The following DPP6 variants were observed in gnomAD, a reference collection of about 807,000 sequenced individuals.
DPP6 encodes dipeptidyl peptidase like 6.
Under a neutral mutation model 122.6 loss-of-function variants are expected in DPP6, and 69 were observed. The ratio of observed to expected loss-of-function variants is 0.56; its 90% CI spans 0.46 to 0.69. DPP6 has a LOEUF of 0.69. Among genes scored for constraint, DPP6 ranks in the 30% least tolerant of loss-of-function variants. The probability of loss-of-function intolerance (pLI) is 0.00; values close to 1 mark genes in which losing one functional copy is unlikely to be tolerated. For synonymous variants in DPP6, 418 were observed against 433.1 expected (o/e 0.97, Z 0.43); for missense variants, 928 against 1,116.9 (o/e 0.83, Z 2.41).
Position 154,804,861 on chromosome 7 carries a change from A to C in DPP6, c.1500-56A>C, listed in dbSNP as rs1798594518. 5.1e-6 allele frequency: 8 copies of C among 1,566,430 alleles called. No homozygotes were observed. The Admixed American group carries it at 1.3e-4, about 26-fold the overall frequency. ...CCATAGAGGTAGTGCCAGGAATGTG[A>C]AGTGCAGACGTGCCTTGGAGCAAAC... On this transcript the variant is annotated intron_variant, in intron 14 of 25. Coordinates refer to ENST00000377770, the MANE Select transcript of DPP6 (RefSeq NM_130797.4).
chr7:154,832,175 T>C (rs1399402886), intron 16 of DPP6, among the ~76,000 whole-genome samples: 1 of 152,186 alleles, frequency 6.6e-6, no homozygotes, highest in Non-Finnish European at 1.5e-5. Flanking sequence ...GGCTGCCGTA[T>C]GCCAGGCAAC....
At chr7:154,182,072 T>C (rs1760678916) in intron 1 of DPP6, among the ~76,000 whole-genome samples, 1 of 152,048 alleles carries the variant, frequency 6.6e-6, no homozygotes, top group African/African-American at 2.4e-5. Context: ...CTCTTAATGG[T>C]CTTGAGGACT....
chr7:154,872,315 C>G (rs1804466044), intron 18 of DPP6, among the ~76,000 whole-genome samples: 1 of 152,266 alleles, frequency 6.6e-6, no homozygotes, highest in South Asian at 2.1e-4. Flanking sequence ...CACCATATTT[C>G]CCTGCCTGAA....
the DPP6 span, among the ~76,000 whole-genome samples, chr7:153,772,530 C>A: frequency 6.6e-6 from 1 of 151,304 alleles, no homozygotes; most frequent in African/African-American, 2.4e-5. Flanking sequence ...AAACAATAAG[C>A]AAAAATCAGA....
chr7:154,382,591 T>TGCGCTCA lies in DPP6; in HGVS notation c.244-63609_244-63603dup, dbSNP rs1037258614. On this transcript the variant is annotated intron_variant, in intron 1 of 25. Transcript: ENST00000377770. ...TAGCTAACAAATGTTTACTCTGTGC[T>TGCGCTCA]GCGCTCAGCGCTCAGCGCTCTTCAT... Among the ~76,000 whole-genome samples the TGCGCTCA allele has an allele frequency of 3.3e-5, 5 of 152,378 alleles. No homozygotes were observed. In the East Asian group the frequency reaches 5.8e-4, roughly 18 times the overall value.
the DPP6 span, among the ~76,000 whole-genome samples, chr7:153,782,220 G>A: frequency 1.3e-5 from 2 of 151,946 alleles, no homozygotes; most frequent in Non-Finnish European, 2.9e-5. Context: ...GTCTAGTTAA[G>A]CCAATCAGTC....
intron 8 of DPP6, among the ~76,000 whole-genome samples, chr7:154,730,371 G>A (rs569509312): frequency 6.6e-6 from 1 of 152,188 alleles, no homozygotes; most frequent in East Asian, 1.9e-4. Flanking sequence ...CCACTCCATC[G>A]ACCTCAACAT....
At chr7:154,343,117 G>A (rs1324894509) in intron 1 of DPP6, among the ~76,000 whole-genome samples, 1 of 152,182 alleles carries the variant, frequency 6.6e-6, no homozygotes, top group Non-Finnish European at 1.5e-5. Flanking sequence ...AAATGACACT[G>A]GTTTGAATGG....
chr7:154,873,798 GCATCCA>G, intron 19 of DPP6, among the ~76,000 whole-genome samples: 1 of 142,910 alleles, frequency 7.0e-6, no homozygotes, highest in Admixed American at 7.2e-5. Context: ...GTGCACACAT[GCATCCA>G]CACACACACA....
intron 1 of DPP6, among the ~76,000 whole-genome samples, chr7:154,056,908 A>G (rs1800871490): frequency 6.6e-6 from 1 of 152,228 alleles, no homozygotes; most frequent in Non-Finnish European, 1.5e-5. Context: ...TTTAAGTTTC[A>G]CATGATTTTC....
intron 5 of DPP6, among the ~76,000 whole-genome samples, chr7:154,617,293 A>T (rs565850641): frequency 6.6e-6 from 1 of 152,292 alleles, no homozygotes; most frequent in South Asian, 2.1e-4. Flanking sequence ...GAAGCAGAAG[A>T]AGTTTCTTTG....
chr7:154,815,660 G>A (rs1799378476), intron 16 of DPP6, among the ~76,000 whole-genome samples: 1 of 152,180 alleles, frequency 6.6e-6, no homozygotes, highest in African/African-American at 2.4e-5. Flanking sequence ...TTTAAAAATA[G>A]CTAAATAAAC....
chr7:154,842,892 T>G (rs1220665981), intron 16 of DPP6, among the ~76,000 whole-genome samples: 2 of 152,226 alleles, frequency 1.3e-5, no homozygotes. Flanking sequence ...TGTTGTTGCA[T>G]GCTCCAAGGC....
intron 7 of DPP6, among the ~76,000 whole-genome samples, chr7:154,670,870 C>A (rs9791660): frequency 0.91 from 138,806 of 152,112 alleles, 64,592 homozygotes; most frequent in East Asian, 1. Context: ...GCAAGAAGAT[C>A]GAGGCGGTGA....
At chr7:154,139,259 A>G (rs951718389) in intron 1 of DPP6, among the ~76,000 whole-genome samples, 3 of 135,348 alleles carry the variant, frequency 2.2e-5, no homozygotes, top group Non-Finnish European at 3.2e-5. Flanking sequence ...CCTCAGAACC[A>G]GGGAACCTGA....
At chr7:153,892,565 C>T (rs895264942) in intron 1 of DPP6, among the ~76,000 whole-genome samples, 7 of 152,148 alleles carry the variant, frequency 4.6e-5, no homozygotes, top group East Asian at 1.9e-4. Context: ...CTGCCCGTCT[C>T]GGCCCCCCAA....
chr7:154,446,181 C>T, intron 1 of DPP6, 33 bp from the exon 2 acceptor site: 2 of 1,362,430 alleles, frequency 1.5e-6, no homozygotes, highest in East Asian at 2.4e-5. Context: ...TTATTTCACT[C>T]ACTGGGGTTT....
At chr7:154,810,677 G>A (rs985302332) in intron 16 of DPP6, among the ~76,000 whole-genome samples, 3 of 151,536 alleles carry the variant, frequency 2.0e-5, no homozygotes, top group Non-Finnish European at 2.9e-5. Flanking sequence ...CCAGCCCCCA[G>A]GTACAGCCAC....
intron 1 of DPP6, among the ~76,000 whole-genome samples, chr7:154,162,577 A>T (rs1218057168): frequency 6.6e-6 from 1 of 152,218 alleles, no homozygotes; most frequent in Non-Finnish European, 1.5e-5. Flanking sequence ...TACGGAGTCA[A>T]ACTCGACACC....
Sources: gnomAD v4.1 joint callset for allele counts (sites outside exome capture counted in the v4.1 genomes callset) on GRCh38, gnomAD v4.1.1 for gene constraint, MANE v1.5 for transcripts, NCBI Gene and HGNC (gene_info 2026-07-23, HGNC 2026-07-21) for gene names.